Variants in MYO16 observed in about 807,000 individuals in gnomAD.
MYO16 encodes myosin XVI, also known as unconventional myosin-XVI.
A neutral mutation model predicts 205.3 loss-of-function variants in MYO16; 94 were observed. That is an observed-to-expected ratio of 0.46 (90% CI 0.39 to 0.54). MYO16 has a LOEUF of 0.54. MYO16 is among the 20% of genes least tolerant of loss of function. The pLI is 0.00. For missense variants in MYO16, 2,315 were observed against 2,387.5 expected, an observed-to-expected ratio of 0.97 and a Z score of 0.63; for synonymous variants, 988 against 954.0, an observed-to-expected ratio of 1.04 and a Z score of -0.66.
At chr13:108,854,238 C>G (rs568322214) in intron 10 of MYO16, among the ~76,000 whole-genome samples, 2 of 152,088 alleles carry the variant, frequency 1.3e-5, no homozygotes, top group Middle Eastern at 6.8e-3. Context: ...CTCAAGTGAT[C>G]CACCCACCAC....
chr13:108,974,610 TG>T (rs2139399870), intron 20 of MYO16, among the ~76,000 whole-genome samples: 1 of 152,342 alleles, frequency 6.6e-6, no homozygotes, highest in South Asian at 2.1e-4. Context: ...ATAATGATTT[TG>T]TCATTGACTT....
the MYO16 span, among the ~76,000 whole-genome samples, chr13:108,504,550 C>T: frequency 6.6e-6 from 1 of 151,374 alleles, no homozygotes; most frequent in African/African-American, 2.4e-5. Context: ...CCTTTTTTTA[C>T]TTTGAGATGG....
intron 1 of MYO16, among the ~76,000 whole-genome samples, chr13:108,644,674 A>G (rs1389351746): frequency 1.3e-5 from 2 of 152,070 alleles, no homozygotes; most frequent in African/African-American, 2.4e-5. Flanking sequence ...TTTCTTATCT[A>G]ACATTCCCTT....
intron 27 of MYO16, among the ~76,000 whole-genome samples, chr13:109,082,970 T>G (rs570784307): frequency 1.3e-5 from 2 of 152,154 alleles, no homozygotes; most frequent in Non-Finnish European, 2.9e-5. Context: ...GCAGAAGATA[T>G]ATATTTGAAT....
chr13:108,852,666 T>C (rs1355274608), intron 10 of MYO16, among the ~76,000 whole-genome samples: 1 of 151,988 alleles, frequency 6.6e-6, no homozygotes, highest in Non-Finnish European at 1.5e-5. Flanking sequence ...CCCGCATCCC[T>C]CCCGCCAACA....
chr13:109,005,787 G>T (rs987939792), intron 21 of MYO16, among the ~76,000 whole-genome samples: 45 of 152,150 alleles, frequency 3.0e-4, no homozygotes, highest in African/African-American at 1.1e-3. Context: ...TCCCTTCTGT[G>T]TTCACACCAA....
At chr13:108,565,782 T>A in the MYO16 span, among the ~76,000 whole-genome samples, 1 of 152,198 alleles carries the variant, frequency 6.6e-6, no homozygotes, top group Admixed American at 6.5e-5. Context: ...GGCTTTTAGT[T>A]TTCCCCCATT....
At chr13:108,694,440 A>G (rs1369879039) in intron 2 of MYO16, among the ~76,000 whole-genome samples, 1 of 152,112 alleles carries the variant, frequency 6.6e-6, no homozygotes. Flanking sequence ...CCTCACCAAC[A>G]CTTAATGTTC....
At chr13:109,173,688 G>T (rs530106495) in intron 33 of MYO16, among the ~76,000 whole-genome samples, 1 of 151,686 alleles carries the variant, frequency 6.6e-6, no homozygotes, top group South Asian at 2.1e-4. Context: ...AAGGTCAGGC[G>T]ATCGAGACCA....
chr13:108,655,264 G>A (rs774532227), intron 1 of MYO16, among the ~76,000 whole-genome samples: 31 of 152,286 alleles, frequency 2.0e-4, no homozygotes, highest in South Asian at 1.9e-3. Context: ...AGTGTCCTGC[G>A]TCCCAGCCTC....
intron 1 of MYO16, among the ~76,000 whole-genome samples, chr13:108,637,673 G>T (rs1234728262): frequency 2.0e-5 from 3 of 152,056 alleles, no homozygotes; most frequent in Admixed American, 1.3e-4. Context: ...CCAGGAGTTT[G>T]AGACCAGCCT....
At chr13:108,710,975 T>C (rs1594230704) in intron 2 of MYO16, among the ~76,000 whole-genome samples, 1 of 152,214 alleles carries the variant, frequency 6.6e-6, no homozygotes, top group East Asian at 1.9e-4. Context: ...TTGGCAAATG[T>C]ATGAAATGAA....
upstream of MYO16, among the ~76,000 whole-genome samples, chr13:108,593,504 T>C (rs905998295): frequency 6.6e-6 from 1 of 152,176 alleles, no homozygotes; most frequent in Non-Finnish European, 1.5e-5. Context: ...AGTCTGTGCT[T>C]CAGAGTATGA....
chr13:108,565,474 A>G, the MYO16 span, among the ~76,000 whole-genome samples: 1 of 152,014 alleles, frequency 6.6e-6, no homozygotes. Context: ...TCTTTTTCAA[A>G]TTTCTGACTC....
At chr13:108,534,813 C>T in the MYO16 span, among the ~76,000 whole-genome samples, 14 of 150,524 alleles carry the variant, frequency 9.3e-5, no homozygotes, top group African/African-American at 3.4e-4. Context: ...CTTCCTTCCT[C>T]CTCCTCCTCT....
chr13:108,711,718 T>G (rs913096), intron 2 of MYO16, among the ~76,000 whole-genome samples: 12,367 of 152,270 alleles, frequency 0.081, 1,591 homozygotes, highest in African/African-American at 0.27. Flanking sequence ...AGAAGGCCCC[T>G]TCAGGCAACA....
intron 11 of MYO16, among the ~76,000 whole-genome samples, chr13:108,859,809 T>TA (rs112718205): frequency 0.015 from 2,262 of 151,930 alleles, 57 homozygotes; most frequent in African/African-American, 0.051. Context: ...TTGAGACTCA[T>TA]AAAAAAAACC....
intron 4 of MYO16, among the ~76,000 whole-genome samples, chr13:108,771,799 G>T (rs1885974750): frequency 6.6e-6 from 1 of 151,852 alleles, no homozygotes. Context: ...TGCATTTAAG[G>T]TTTCTCCATG....
intron 16 of MYO16, among the ~76,000 whole-genome samples, chr13:108,937,919 C>T (rs546641533): frequency 6.6e-6 from 1 of 152,266 alleles, no homozygotes; most frequent in African/African-American, 2.4e-5. Flanking sequence ...TGATGGAGAG[C>T]TAATGCAATC....
Sources: gnomAD v4.1 joint callset for allele counts (sites outside exome capture counted in the v4.1 genomes callset) on GRCh38, gnomAD v4.1.1 for gene constraint, MANE v1.5 for transcripts, NCBI Gene and HGNC (gene_info 2026-07-23, HGNC 2026-07-21) for gene names.